RALYL: variants seen among roughly 807,000 people sequenced by gnomAD.
RALYL encodes the protein RNA-binding Raly-like protein.
A neutral mutation model predicts 35.1 loss-of-function variants in RALYL; 29 were observed. That is an observed-to-expected ratio of 0.83 (90% CI 0.61 to 1.13). The LOEUF (loss-of-function observed/expected upper bound fraction) is 1.13. Among genes scored for constraint, RALYL ranks in the 50% most tolerant of loss-of-function variants. The pLI, the probability that RALYL is intolerant of heterozygous loss-of-function variation, is 0.00. For synonymous variants in RALYL, 120 were observed against 127.6 expected (o/e 0.94, Z 0.40); for missense variants, 359 against 360.4 (o/e 1.00, Z 0.03).
At chr8:84,253,681 T>C in intron 1 of RALYL, among the ~76,000 whole-genome samples, 1 of 152,142 alleles carries the variant, frequency 6.6e-6, no homozygotes, top group East Asian at 1.9e-4. Flanking sequence ...ATTCACATCA[T>C]CCTTTTTGGA....
At chr8:84,432,757 ATTGGAATTATAAAG>A (rs2047277736) in intron 1 of RALYL, among the ~76,000 whole-genome samples, 1 of 152,120 alleles carries the variant, frequency 6.6e-6, no homozygotes, top group Admixed American at 6.6e-5. Context: ...AGAGGCATAG[ATTGGAATTATAAAG>A]TTGCAATCCA....
At chr8:84,682,962 T>G (rs1237761748) in intron 2 of RALYL, among the ~76,000 whole-genome samples, 1 of 152,228 alleles carries the variant, frequency 6.6e-6, no homozygotes, top group East Asian at 1.9e-4. Context: ...CTTTCCTGCT[T>G]TCTCCTGTGG....
chr8:84,506,752 T>C (rs1480806043), intron 1 of RALYL, among the ~76,000 whole-genome samples: 1 of 152,090 alleles, frequency 6.6e-6, no homozygotes, highest in African/African-American at 2.4e-5. Flanking sequence ...TTATTTTAAA[T>C]AGTTTAGTTG....
chr8:84,520,736 T>C (rs969460967), intron 1 of RALYL, among the ~76,000 whole-genome samples: 1 of 152,134 alleles, frequency 6.6e-6, no homozygotes, highest in African/African-American at 2.4e-5. Flanking sequence ...GGGATCTATG[T>C]TGCGTGCTCC....
chr8:84,242,427 C>A (rs1163100184), intron 1 of RALYL, among the ~76,000 whole-genome samples: 1 of 152,174 alleles, frequency 6.6e-6, no homozygotes, highest in African/African-American at 2.4e-5. Flanking sequence ...ACAGTGTCTT[C>A]CACAATGGTT....
At chr8:84,849,931 T>G (rs1031156034) in intron 4 of RALYL, 49 bp from the exon 5 acceptor site, 29 of 1,008,660 alleles carry the variant, frequency 2.9e-5, no homozygotes, top group Non-Finnish European at 4.2e-5. Context: ...ATAATAAAAT[T>G]AATGTCATTG....
intron 1 of RALYL, among the ~76,000 whole-genome samples, chr8:84,282,223 A>G (rs562590686): frequency 1.3e-5 from 2 of 151,490 alleles, no homozygotes; most frequent in African/African-American, 4.8e-5. Context: ...ATATATTTAC[A>G]TGTAGCGTTG....
intron 4 of RALYL, among the ~76,000 whole-genome samples, chr8:84,825,492 C>T (rs894536191): frequency 3.3e-5 from 5 of 152,198 alleles, no homozygotes; most frequent in South Asian, 2.1e-4. Flanking sequence ...AATCCCATTA[C>T]GGGGTATATA....
At chr8:84,732,860 T>C (rs1846508603) in intron 2 of RALYL, among the ~76,000 whole-genome samples, 1 of 151,584 alleles carries the variant, frequency 6.6e-6, no homozygotes, top group Non-Finnish European at 1.5e-5. Context: ...CACGCCTGGC[T>C]AATTTTTTGT....
intron 2 of RALYL, among the ~76,000 whole-genome samples, chr8:84,657,242 C>T (rs1220494978): frequency 1.3e-5 from 2 of 152,090 alleles, no homozygotes; most frequent in Non-Finnish European, 2.9e-5. Flanking sequence ...GTTTAAAAAC[C>T]ATCCGGAACT....
At position 84,486,411 on chromosome 8, in the gene RALYL, A is replaced by G. The variant is rs546356867; in HGVS notation, c.-23-42888A>G. Among the ~76,000 whole-genome samples, 141 of 151,928 alleles carry G rather than the reference A, an allele frequency of 9.3e-4. 2 individuals carry two copies. The South Asian group carries it at 0.02, about 21-fold the overall frequency. On this transcript the variant is annotated intron_variant, in intron 1 of 8. Transcript: ENST00000521268. ...AGCTTGTATCTGCATTTATTTGGTT[A>G]TAATCATAAATAGTATCATTCTGTT...
intron 1 of RALYL, among the ~76,000 whole-genome samples, chr8:84,340,441 C>T (rs1848598608): frequency 6.6e-6 from 1 of 152,070 alleles, no homozygotes; most frequent in Non-Finnish European, 1.5e-5. Context: ...CTCCCCATTT[C>T]CCTTCCTGCT....
intron 1 of RALYL, among the ~76,000 whole-genome samples, chr8:84,381,202 G>T (rs1857925734): frequency 6.6e-6 from 1 of 151,832 alleles, no homozygotes; most frequent in East Asian, 1.9e-4. Context: ...ATTTAAGCCT[G>T]CTTGTTCTCC....
chr8:84,207,878 T>G (rs1379015946), intron 1 of RALYL, among the ~76,000 whole-genome samples: 1 of 151,856 alleles, frequency 6.6e-6, no homozygotes, highest in East Asian at 1.9e-4. Context: ...TATACAATTT[T>G]TATGTGTCAT....
intron 1 of RALYL, among the ~76,000 whole-genome samples, chr8:84,305,870 G>A (rs952525452): frequency 6.6e-6 from 1 of 152,120 alleles, no homozygotes; most frequent in East Asian, 1.9e-4. Flanking sequence ...GTGATTTGTT[G>A]AGGAAGAAAA....
chr8:84,530,464 G>A (rs1439510341), intron 2 of RALYL, among the ~76,000 whole-genome samples: 2 of 148,424 alleles, frequency 1.3e-5, no homozygotes. Flanking sequence ...TCACAATAAA[G>A]GGAACCCCCA....
At chr8:84,876,085 AC>A (rs1343219324) in intron 7 of RALYL, among the ~76,000 whole-genome samples, 2 of 152,066 alleles carry the variant, frequency 1.3e-5, no homozygotes, top group Non-Finnish European at 2.9e-5. Flanking sequence ...GATTTTCTAT[AC>A]CTTAAATTGC....
intron 2 of RALYL, among the ~76,000 whole-genome samples, chr8:84,649,538 A>C (rs1469503696): frequency 6.6e-6 from 1 of 152,008 alleles, no homozygotes; most frequent in Non-Finnish European, 1.5e-5. Flanking sequence ...TAAATAGGGA[A>C]TCCTTTCCCC....
chr8:84,811,997 A>T (rs542825382), intron 4 of RALYL, among the ~76,000 whole-genome samples: 1 of 152,092 alleles, frequency 6.6e-6, no homozygotes, highest in East Asian at 1.9e-4. Context: ...ACCCTTTTTC[A>T]GGTAAATCGG....
Sources: gnomAD v4.1 joint callset for allele counts (sites outside exome capture counted in the v4.1 genomes callset) on GRCh38, gnomAD v4.1.1 for gene constraint, MANE v1.5 for transcripts, NCBI Gene and HGNC (gene_info 2026-07-23, HGNC 2026-07-21) for gene names.